RASGRP4: variants seen among roughly 807,000 people sequenced by gnomAD.
RASGRP4 encodes the protein RAS guanyl releasing protein 4.
In RASGRP4, 52 loss-of-function variants were observed where a neutral mutation model predicts 84.4. The ratio of observed to expected loss-of-function variants is 0.62; its 90% confidence interval spans 0.49 to 0.78. The LOEUF (loss-of-function observed/expected upper bound fraction) is 0.78. Among genes scored for constraint, RASGRP4 ranks in the 30% least tolerant of loss-of-function variants. The pLI, the probability that RASGRP4 is intolerant of heterozygous loss-of-function variation, is 0.00. For missense variants in RASGRP4, 760 were observed against 886.9 expected (o/e 0.86, Z 1.82); for synonymous variants, 356 against 359.1 (o/e 0.99, Z 0.10).
intron 9 of RASGRP4, among the ~76,000 whole-genome samples, chr19:38,414,425 C>G (rs983899704): frequency 6.6e-6 from 1 of 151,992 alleles, no homozygotes; most frequent in African/African-American, 2.4e-5. Context: ...CTCCCGGGTT[C>G]AAGCAATTCT....
At position 38,418,837 on chromosome 19, in the gene RASGRP4, C is replaced by A. The variant is rs78039892; in HGVS notation, c.664-273G>T. 9.4e-3 allele frequency among the ~76,000 whole-genome samples: 1,436 copies of A among 152,284 alleles called. 17 individuals are homozygous for A. Among genetic ancestry groups the A allele is most frequent in the Non-Finnish European group, 0.015 (1,039 of 68,032 alleles). On this transcript the variant is annotated intron_variant, in intron 6 of 16. Transcript: ENST00000615439. The surrounding 1 kb of genome is among the most constrained non-coding windows in gnomAD (Gnocchi z 4.6). ...CCTCATAACTCTATGAGGTGAGTAT[C>A]ATTCCATTTTAGAGGTGAGACAGTT...
At position 38,409,812 on chromosome 19, in the gene RASGRP4, G is replaced by A. The variant is rs922158566; in HGVS notation, c.*228C>T. Reference sequence around the variant, plus strand: ...GTCTAAATGTATCCAACACACAGCCGCACAGATACTAAGTGCAGGGAAAGG... The same window carrying A: ...GTCTAAATGTATCCAACACACAGCCACACAGATACTAAGTGCAGGGAAAGG... On this transcript the variant is annotated 3_prime_UTR_variant, in exon 17 of 17. Coordinates refer to ENST00000615439, the MANE Select transcript of RASGRP4 (RefSeq NM_170604.3). The A allele has an allele frequency of 2.1e-5, 10 of 469,088 alleles. No individual in the cohort carries two copies. Among genetic ancestry groups the A allele is most frequent in the South Asian group, 1.4e-4 (5 of 34,596 alleles). 29.1% of individuals were successfully genotyped at this position (469,088 alleles called of 1,614,324 possible).
rs760538598 is a variant in RASGRP4 at position 38,413,236 on chromosome 19, G to A, written c.1373C>T (p.Pro458Leu). The A allele has an allele frequency of 1.9e-5, 30 of 1,613,652 alleles. No individual in the cohort carries two copies. The Middle Eastern group carries it at 5.0e-4, about 27-fold the overall frequency. The change falls in exon 11 of 17, where the codon CCG becomes CTG. Residue 458 changes from proline to leucine, a missense_variant. Pro to Leu is a moderately conservative substitution (Grantham distance 98). Coordinates refer to ENST00000615439, the MANE Select transcript of RASGRP4 (RefSeq NM_170604.3). This position sits in a 1 kb window ranked among gnomAD's most constrained non-coding sequence, Gnocchi z 4.7. Reference protein sequence around the residue: ...VEWAPGVTPKPDRVTLGRHVE... With the variant: ...VEWAPGVTPKLDRVTLGRHVE... ...ATGCCGACCCAGTGTGACCCTGTCCGGCTTGGGTGTCACACCAGGGGCCCA... is the reference window on the plus strand; with the variant it reads ...ATGCCGACCCAGTGTGACCCTGTCCAGCTTGGGTGTCACACCAGGGGCCCA...
In RASGRP4 at chr19:38,411,265, G is replaced by A. The variant is rs374507320; in HGVS notation, c.1718-16C>T. On this transcript the variant is annotated splice_polypyrimidine_tract_variant and intron_variant, in intron 14 of 16. Coordinates refer to ENST00000615439, the MANE Select transcript of RASGRP4 (RefSeq NM_170604.3). ...AGCCCGCACTCTGGGGGAAGGCAGC[G>A]GCAGGGGTCCGATCTGTGTCATCCA... The A allele has an allele frequency of 5.2e-4, 832 of 1,613,822 alleles. 16 individuals are homozygous for A. In the South Asian group the frequency reaches 5.4e-3, roughly 10 times the overall value.
At position 38,410,858 on chromosome 19, in the gene RASGRP4, CTTGGGGGTAG is replaced by C; in HGVS notation, c.1965+18_1965+27del. 1 of 1,499,680 alleles carries C rather than the reference CTTGGGGGTAG, an allele frequency of 6.7e-7. No individual in the cohort carries two copies. The highest frequency in any genetic ancestry group is 1.2e-5 in the South Asian group (1 of 83,594). 92.9% of individuals were successfully genotyped at this position (1,499,680 alleles called of 1,614,324 possible). On this transcript the variant is annotated intron_variant, in intron 16 of 16. Transcript: ENST00000615439. ...CAATGGCCTGTGTCCCCTGTATCCA[CTTGGGGGTAG>C]GGGCGGTTTCTCCTCACCGTATCTG...
Position 38,410,077 on chromosome 19 carries a change from T to G in RASGRP4, c.1985A>C (p.Asp662Ala). 6.2e-7 allele frequency: 1 copy of G among 1,611,828 alleles called. No homozygotes were observed. Among genetic ancestry groups the G allele is most frequent in the Non-Finnish European group, 8.5e-7 (1 of 1,178,842 alleles). The change falls in exon 17 of 17, where the codon GAC (aspartate) becomes GCC (alanine). Residue 662 changes from aspartate (D) to alanine (A), a missense_variant. Transcript: ENST00000615439. Reference sequence around the variant, plus strand: ...CTTGGAGGATGCAGTTGATGGTGGGTCCATCACCGGGCAGGGGACCTGGAA... The same window carrying G: ...CTTGGAGGATGCAGTTGATGGTGGGGCCATCACCGGGCAGGGGACCTGGAA... ...ETDTVPCPVMDPPSTASSKLD... is the reference protein window; with the variant it reads ...ETDTVPCPVMAPPSTASSKLD...
At chr19:38,420,380 G>T (rs1971690921) in intron 4 of RASGRP4, 118 bp from the exon 5 acceptor site, 8 of 1,177,358 alleles carry the variant, frequency 6.8e-6, no homozygotes, top group Non-Finnish European at 8.1e-6. Context: ...ATGTGTGTGG[G>T]GGTCCCTGGA....
At chr19:38,414,809 C>A (rs749011048) in intron 9 of RASGRP4, 39 bp downstream of exon 9, 2 of 1,541,472 alleles carry the variant, frequency 1.3e-6, no homozygotes, top group Non-Finnish European at 1.8e-6. Flanking sequence ...ATCTCAGTAC[C>A]CTTGGAAGCC....
At chr19:38,411,532 G>A (rs1250594127) in intron 13 of RASGRP4, 151 bp from the exon 14 acceptor site, 9 of 792,832 alleles carry the variant, frequency 1.1e-5, no homozygotes, top group Non-Finnish European at 1.8e-5. Context: ...ATGTGGGTGG[G>A]GTACAGTGGC....
intron 16 of RASGRP4, 21 bp from the exon 17 acceptor site, chr19:38,410,117 A>C: frequency 6.2e-7 from 1 of 1,603,448 alleles, no homozygotes; most frequent in Non-Finnish European, 8.5e-7. Context: ...GAAGGGAGGA[A>C]GAAAGATGAC....
At chr19:38,425,612 A>C (rs1417037796) in intron 1 of RASGRP4, among the ~76,000 whole-genome samples, 1 of 152,186 alleles carries the variant, frequency 6.6e-6, no homozygotes, top group African/African-American at 2.4e-5. Context: ...CCGCACAGCC[A>C]GCCACTAGGC....
chr19:38,424,257 C>T (rs180707271), intron 1 of RASGRP4, among the ~76,000 whole-genome samples: 369 of 152,096 alleles, frequency 2.4e-3, no homozygotes, highest in African/African-American at 8.3e-3. Context: ...GTAGTTGGGA[C>T]TACAGGCACG....
chr19:38,414,752 AC>A (rs1338874790), intron 9 of RASGRP4, 95 bp downstream of exon 9: 21 of 1,305,276 alleles, frequency 1.6e-5, no homozygotes, highest in Non-Finnish European at 2.2e-5. Context: ...GCACTCCAGC[AC>A]TTTTCTATCC....
chr19:38,418,276 C>G lies in RASGRP4; in HGVS notation c.837+115G>C. On this transcript the variant is annotated intron_variant, in intron 7 of 16. Transcript: ENST00000615439. This position sits in a 1 kb window ranked among gnomAD's most constrained non-coding sequence, Gnocchi z 4.6. ...CCAGGCTGTGGCCTCGGGGGCGGGG[C>G]CGGGAGATGCGTGACGTCACCGCCG... 1.8e-6 allele frequency: 2 copies of G among 1,087,980 alleles called. No individual in the cohort carries two copies. 67.4% of individuals were successfully genotyped at this position (1,087,980 alleles called of 1,614,324 possible).
intron 1 of RASGRP4, 35 bp from the exon 2 acceptor site, chr19:38,422,188 C>T (rs758931534): frequency 1.3e-6 from 2 of 1,567,490 alleles, no homozygotes; most frequent in East Asian, 2.3e-5. Flanking sequence ...CATGGGAGCA[C>T]CTTCTTTCGG....
At chr19:38,417,000 G>A (rs1971526660) in intron 8 of RASGRP4, 52 bp downstream of exon 8, 1 of 1,077,988 alleles carries the variant, frequency 9.3e-7, no homozygotes, top group Non-Finnish European at 1.4e-6. Context: ...TTAGGTGTGG[G>A]GGCTCAAGAC....
intron 1 of RASGRP4, among the ~76,000 whole-genome samples, chr19:38,424,213 G>A (rs1412898426): frequency 7.2e-5 from 11 of 151,852 alleles, no homozygotes; most frequent in Non-Finnish European, 1.6e-4. Flanking sequence ...TCCACCTCCC[G>A]GGTTCAAGCA....
chr19:38,420,054 T>C (rs769605914), intron 5 of RASGRP4, 41 bp from the exon 6 acceptor site: 4 of 1,609,396 alleles, frequency 2.5e-6, no homozygotes, highest in Non-Finnish European at 3.4e-6. Flanking sequence ...TGGCTCACAG[T>C]TGAGGGCTTG....
At chr19:38,410,828 C>G (rs1057331974) in intron 16 of RASGRP4, 58 bp downstream of exon 16, 18 of 1,259,608 alleles carry the variant, frequency 1.4e-5, no homozygotes, top group Non-Finnish European at 1.7e-5. Context: ...CAGTCTTCCC[C>G]ACGCCAATGG....
Sources: gnomAD v4.1 joint callset for allele counts (sites outside exome capture counted in the v4.1 genomes callset) on GRCh38, gnomAD v4.1.1 for gene constraint, Gnocchi (gnomAD v3.1) non-coding constraint, MANE v1.5 for transcripts, NCBI Gene and HGNC (gene_info 2026-07-23, HGNC 2026-07-21) for gene names.